Variants in CASKIN1 observed in about 807,000 individuals in gnomAD.
The protein encoded by CASKIN1 is caskin-1.
A neutral mutation model predicts 117.5 loss-of-function variants in CASKIN1; 42 were observed. The observed-to-expected ratio is 0.36, with a 90% CI of 0.28 to 0.46. CASKIN1 has a LOEUF of 0.46. CASKIN1 is among the 20% of genes least tolerant of loss of function. The pLI is 1.00. For missense variants in CASKIN1, 2,083 were observed against 2,077.3 expected (o/e 1.00, Z -0.05); for synonymous variants, 1,148 against 961.7 (o/e 1.19, Z -3.59).
chr16:2,194,956 G>A (rs745309866), intron 1 of CASKIN1, among the ~76,000 whole-genome samples: 1 of 152,224 alleles, frequency 6.6e-6, no homozygotes, highest in Non-Finnish European at 1.5e-5. Flanking sequence ...GGACCCCACC[G>A]TGAGGCTGAC....
At chr16:2,193,151 G>A (rs1449407141) in intron 1 of CASKIN1, among the ~76,000 whole-genome samples, 1 of 152,130 alleles carries the variant, frequency 6.6e-6, no homozygotes, top group Non-Finnish European at 1.5e-5. Flanking sequence ...CAGAGTAGCT[G>A]GGATTACAGG....
rs1263089713 is a variant in CASKIN1, at chr16:2,181,871, A to G, written c.1688T>C (p.Val563Ala). The G allele has an allele frequency of 2.5e-6, 4 of 1,613,650 alleles. No individual in the cohort carries two copies. Among genetic ancestry groups the G allele is most frequent in the Non-Finnish European group, 3.4e-6 (4 of 1,179,972 alleles). ...ATCAATGTTCTCGTAGCCATTGTCC[A>G]CCAACACCTTGTAGTACTGGGCCAG... ...IGLAQYYKVL[V>A]DNGYENIDFI... The change falls in exon 17 of 20, where the codon GTG becomes GCG. Residue 563 changes from valine (V) to alanine (A), a missense_variant. Physicochemically the swap from Val to Ala is moderately conservative, Grantham distance 64. This residue lies in a region of CASKIN1 where 1,818 missense variants were observed against 1,688.9 expected (regional missense o/e 1.08). Coordinates refer to ENST00000343516, the MANE Select transcript of CASKIN1 (RefSeq NM_020764.4).
Position 2,180,707 on chromosome 16 carries a change from C to T in CASKIN1, c.2661G>A (p.Ala887=), listed in dbSNP as rs778912120. Residue 887 remains alanine, a synonymous_variant, in exon 18 of 20, where the codon GCG becomes GCA. Coordinates refer to ENST00000343516, the MANE Select transcript of CASKIN1 (RefSeq NM_020764.4). ...KKRAHSLNRY[A]ASDSEPERDE... ...CCCGCTCCGGCTCGCTGTCGGACGC[C>T]GCATAGCGATTCAGGCTGTGGGCCC... 28 of 1,480,890 alleles carry T rather than the reference C, an allele frequency of 1.9e-5. No individual in the cohort carries two copies. The highest frequency in any genetic ancestry group is 4.1e-4 in the Middle Eastern group (2 of 4,924). The allele number at this position is 1,480,890 out of a possible 1,614,324, so 91.7% of individuals were successfully genotyped here.
Position 2,182,957 on chromosome 16 carries a change from A to G in CASKIN1, c.1629+689T>C, listed in dbSNP as rs1231287985. ...AGGCACCCGCCACCACGCCTGGCCA[A>G]TTTTTGGTTTTAGTAGAGACTGGGT... is the stretch of plus-strand genomic sequence containing the variant. On this transcript the variant is annotated intron_variant, in intron 16 of 19. Transcript: ENST00000343516. This position sits in a 1 kb window ranked among gnomAD's most constrained non-coding sequence, Gnocchi z 4.1. Among the ~76,000 whole-genome samples the G allele has an allele frequency of 6.6e-6, 1 of 152,144 alleles. No homozygotes were observed. The highest frequency in any genetic ancestry group is 1.9e-4 in the East Asian group (1 of 5,192).
At position 2,179,518 on chromosome 16, in the gene CASKIN1, A is replaced by G; in HGVS notation, c.3775+75T>C. On this transcript the variant is annotated intron_variant, in intron 18 of 19. Transcript: ENST00000343516. The surrounding 1 kb of genome is among the most constrained non-coding windows in gnomAD (Gnocchi z 5.8). ...GGCTTCCATCAAACCCAAGAAAAGG[A>G]AAACCCCTCAGACCACCGAGTAAGG... 1 of 1,396,006 alleles carries G rather than the reference A, an allele frequency of 7.2e-7. No individual in the cohort carries two copies. Among genetic ancestry groups the G allele is most frequent in the Admixed American group, 3.2e-5 (1 of 31,344 alleles). 86.5% of individuals were successfully genotyped at this position (1,396,006 alleles called of 1,614,324 possible).
At position 2,182,319 on chromosome 16, in the gene CASKIN1, T is replaced by C. The variant is rs1223695342; in HGVS notation, c.1630-390A>G. On this transcript the variant is annotated intron_variant, in intron 16 of 19. Coordinates refer to ENST00000343516, the MANE Select transcript of CASKIN1 (RefSeq NM_020764.4). This position sits in a 1 kb window ranked among gnomAD's most constrained non-coding sequence, Gnocchi z 4.1. ...CACGCACATGATTTGCACGCTGCGC[T>C]CCCAGCCGTGCACAGGCACCAGCAC... is the stretch of plus-strand genomic sequence containing the variant. Among the ~76,000 whole-genome samples the C allele has an allele frequency of 6.6e-6, 1 of 151,152 alleles. No individual in the cohort carries two copies. The highest frequency in any genetic ancestry group is 2.4e-5 in the African/African-American group (1 of 40,978).
At chr16:2,185,761 C>A (rs1186433018) in intron 10 of CASKIN1, among the ~76,000 whole-genome samples, 1 of 152,230 alleles carries the variant, frequency 6.6e-6, no homozygotes, top group African/African-American at 2.4e-5. Context: ...TGGCCATGGT[C>A]GGGGGCTGGC....
chr16:2,180,057 G>A lies in CASKIN1; in HGVS notation c.3311C>T (p.Ser1104Phe). ...GCCTTCGACACCCGCCTCGCCCTTGGAGGGACCCCGAGGCCGCTGCCGGCC... is the reference window on the plus strand; with the variant it reads ...GCCTTCGACACCCGCCTCGCCCTTGAAGGGACCCCGAGGCCGCTGCCGGCC... ...GTGRQRPRGP[S>F]KGEAGVEGPP... The change falls in exon 18 of 20, where the codon TCC becomes TTC. Residue 1104 changes from serine to phenylalanine, a missense_variant. Physicochemically the swap from Ser to Phe is radical, Grantham distance 155. This residue lies in a region of CASKIN1 where 1,818 missense variants were observed against 1,688.9 expected (regional missense o/e 1.08). Transcript: ENST00000343516. The A allele has an allele frequency of 2.5e-6, 4 of 1,583,858 alleles. No individual in the cohort carries two copies. Among genetic ancestry groups the A allele is most frequent in the Non-Finnish European group, 3.4e-6 (4 of 1,165,736 alleles).
At position 2,180,767 on chromosome 16, in the gene CASKIN1, AG is replaced by A. The variant is rs1195635262; in HGVS notation, c.2600del (p.Pro867LeufsTer17). 2 of 1,433,550 alleles carry A rather than the reference AG, an allele frequency of 1.4e-6. No homozygotes were observed. Among genetic ancestry groups the A allele is most frequent in the Admixed American group, 2.9e-5 (1 of 34,688 alleles). 88.8% of individuals were successfully genotyped at this position (1,433,550 alleles called of 1,614,324 possible). A position where few individuals can be genotyped will look rare whatever the true frequency, so the allele number is the denominator to read the frequency against. On this transcript the variant is annotated frameshift_variant, in exon 18 of 20. Transcript: ENST00000343516. LOFTEE classifies it high-confidence loss of function. ...PTAVPTLCLP[P>X]EADAEPGRPK... ...GCCGCCCCGGCTCCGCGTCGGCCTC[AG>A]GGGGCAGGCACAGTGTGGGCACAGC...
At chr16:2,184,683 G>T in intron 14 of CASKIN1, 94 bp downstream of exon 14, 1 of 1,153,910 alleles carries the variant, frequency 8.7e-7, no homozygotes, top group Non-Finnish European at 1.2e-6. Flanking sequence ...CCCCGCCGCT[G>T]CCAGGCCAGG....
At position 2,187,928 on chromosome 16, in the gene CASKIN1, G is replaced by A. The variant is rs1485758387; in HGVS notation, c.618-467C>T. Among the ~76,000 whole-genome samples, 4 of 152,050 alleles carry A rather than the reference G, an allele frequency of 2.6e-5. No individual in the cohort carries two copies. In the East Asian group the frequency reaches 7.7e-4, roughly 29 times the overall value. On this transcript the variant is annotated intron_variant, in intron 6 of 19. Transcript: ENST00000343516. ...AGACGGGGTCTCACTCTGTCACCCA[G>A]GCTGGAGTACAGTGGTGCAGTCATG...
intron 1 of CASKIN1, among the ~76,000 whole-genome samples, chr16:2,191,350 G>A (rs1363924934): frequency 1.3e-5 from 2 of 151,548 alleles, no homozygotes; most frequent in Admixed American, 6.6e-5. Flanking sequence ...CCAGCCACTG[G>A]ACACAGGGTG....
chr16:2,189,498 G>A lies in CASKIN1; in HGVS notation c.311C>T (p.Ala104Val), dbSNP rs772628670. 1.2e-6 allele frequency: 2 copies of A among 1,612,082 alleles called. No individual in the cohort carries two copies. The highest frequency in any genetic ancestry group is 1.7e-6 in the Non-Finnish European group (2 of 1,179,772). The change falls in exon 4 of 20, where the codon GCG becomes GTG. Residue 104 changes from alanine to valine, a missense_variant. By Grantham distance (64) the Ala-to-Val change is moderately conservative. Transcript: ENST00000343516. ...RKEPMKLVLK[A>V]GSAVNIPSDE... ...AGACGGGATGTTCACGGCCGAGCCC[G>A]CCTTCAGCACCAGCTTCATGGGCTC...
Position 2,181,510 on chromosome 16 carries a change from G to A in CASKIN1, c.1858C>T (p.Arg620Trp), listed in dbSNP as rs544406031. 1.5e-5 allele frequency: 24 copies of A among 1,608,636 alleles called. No individual in the cohort carries two copies. The South Asian group carries it at 2.1e-4, about 14-fold the overall frequency. The change falls in exon 18 of 20, where the codon CGG becomes TGG. Residue 620 changes from arginine to tryptophan, a missense_variant. By Grantham distance (101) the Arg-to-Trp change is moderately radical. Coordinates refer to ENST00000343516, the MANE Select transcript of CASKIN1 (RefSeq NM_020764.4). ...ACTTCAAGAGACTGGGGCGCCTTCC[G>A]GCGCAGGGGGCCCCCCTCATACTTG... is the stretch of plus-strand genomic sequence containing the variant. ...YAKYEGGPLR[R>W]KAPQSLEVMA...
At chr16:2,194,204 C>G (rs192650176) in intron 1 of CASKIN1, among the ~76,000 whole-genome samples, 1 of 152,142 alleles carries the variant, frequency 6.6e-6, no homozygotes. Flanking sequence ...GTGTCCTCCA[C>G]GGCATTCTTG....
chr16:2,195,029 A>G (rs2093211654), intron 1 of CASKIN1, among the ~76,000 whole-genome samples: 1 of 152,224 alleles, frequency 6.6e-6, no homozygotes, highest in African/African-American at 2.4e-5. Flanking sequence ...GTCCAAGGTC[A>G]TGCGGCCACT....
rs765353650 is a variant in CASKIN1 at position 2,178,996 on chromosome 16, C to G, written c.4105G>C (p.Ala1369Pro). The change falls in exon 19 of 20, where the codon GCC becomes CCC. Residue 1369 changes from alanine to proline, a missense_variant. Around this residue, in one of 3 missense-constraint regions of CASKIN1, gnomAD observed 1,818 missense variants for 1,688.9 expected, o/e 1.08. Coordinates refer to ENST00000343516, the MANE Select transcript of CASKIN1 (RefSeq NM_020764.4). ...CTTGTCTCCTCCAGTTTCTGCCGGG[C>G]GCTGTCCCCTGGCGAGGCGCCTTCG... ...PPEGASPGDS[A>P]RQKLEETSAC... The G allele has an allele frequency of 1.5e-6, 2 of 1,330,136 alleles. No individual in the cohort carries two copies. The highest frequency in any genetic ancestry group is 1.5e-5 in the African/African-American group (1 of 65,078). 82.4% of individuals were successfully genotyped at this position (1,330,136 alleles called of 1,614,324 possible).
rs1399015475 is a variant in CASKIN1, at chr16:2,179,307, C to T, written c.3794G>A (p.Gly1265Asp). The T allele has an allele frequency of 7.3e-6, 9 of 1,231,396 alleles. No homozygotes were observed. The highest frequency in any genetic ancestry group is 3.2e-5 in the East Asian group (1 of 30,784). 76.3% of individuals were successfully genotyped at this position (1,231,396 alleles called of 1,614,324 possible). A position where few individuals can be genotyped will look rare whatever the true frequency, so the allele number is the denominator to read the frequency against. ...CTTGGGAGACACGGGCGGTGGCGTG[C>T]CGTGGGCGCGCTTCACCTCTGCGGG... is the stretch of plus-strand genomic sequence containing the variant. ...PGSPEVKRAH[G>D]TPPPVSPKPP... Residue 1265 changes from glycine to aspartate, a missense_variant, in exon 19 of 20, where the codon GGC becomes GAC. Coordinates refer to ENST00000343516, the MANE Select transcript of CASKIN1 (RefSeq NM_020764.4). The surrounding 1 kb of genome is among the most constrained non-coding windows in gnomAD (Gnocchi z 5.8).
chr16:2,190,943 C>T (rs995853938), intron 1 of CASKIN1, among the ~76,000 whole-genome samples: 7 of 152,194 alleles, frequency 4.6e-5, no homozygotes, highest in Non-Finnish European at 8.8e-5. Flanking sequence ...AGCAACCTCA[C>T]GCGAACGGCT....
Sources: gnomAD v4.1 joint callset for allele counts (sites outside exome capture counted in the v4.1 genomes callset) on GRCh38, gnomAD v4.1.1 for gene constraint, gnomAD v4.1.1 regional missense constraint, Gnocchi (gnomAD v3.1) non-coding constraint, MANE v1.5 for transcripts, NCBI Gene and HGNC (gene_info 2026-07-23, HGNC 2026-07-21) for gene names.